The following HTR4 variants were observed in gnomAD, a reference collection of about 807,000 sequenced individuals.
HTR4 encodes the protein 5-hydroxytryptamine (serotonin) receptor 4, G protein-coupled.
A neutral mutation model predicts 36.8 loss-of-function variants in HTR4; 16 were observed. The observed-to-expected ratio is 0.43, with a 90% CI of 0.29 to 0.66. HTR4 has a LOEUF of 0.66. HTR4 is among the 30% of genes least tolerant of loss of function. The pLI, the probability that HTR4 is intolerant of heterozygous loss-of-function variation, is 0.13. For missense variants in HTR4, 438 were observed against 490.9 expected, an observed-to-expected ratio of 0.89 and a Z score of 1.02; for synonymous variants, 189 against 185.1, an observed-to-expected ratio of 1.02 and a Z score of -0.17.
chr5:148,520,896 C>A (rs1757981167), intron 5 of HTR4: 1 of 1,367,708 alleles, frequency 7.3e-7, no homozygotes, highest in South Asian at 1.1e-5. Flanking sequence ...CTTTCAGAAT[C>A]CTAAGGAATA....
At chr5:148,608,165 A>G (rs1752258823) in intron 2 of HTR4, among the ~76,000 whole-genome samples, 1 of 152,178 alleles carries the variant, frequency 6.6e-6, no homozygotes. Flanking sequence ...AACAGTGTAA[A>G]CCGTGCTTAC....
chr5:148,488,258 C>T (rs952193332), intron 6 of HTR4, among the ~76,000 whole-genome samples: 2 of 152,174 alleles, frequency 1.3e-5, no homozygotes, highest in Non-Finnish European at 2.9e-5. Context: ...ATGGGCACAG[C>T]ATTAAATAAT....
chr5:148,626,718 A>T (rs981201888), intron 2 of HTR4, among the ~76,000 whole-genome samples: 2 of 152,210 alleles, frequency 1.3e-5, no homozygotes, highest in African/African-American at 4.8e-5. Flanking sequence ...AGCTTCCACA[A>T]AAAGGTAGTT....
rs115120774 is a variant in HTR4 at position 148,495,815 on chromosome 5, A to G, written c.1077-12522T>C. Among the ~76,000 whole-genome samples, 803 of 152,290 alleles carry G rather than the reference A, an allele frequency of 5.3e-3. 10 individuals are homozygous for G. The highest frequency in any genetic ancestry group is 0.018 in the African/African-American group (763 of 41,564). On this transcript the variant is annotated intron_variant, in intron 6 of 6. Transcript: ENST00000377888. ...AGATAAAGTTATTATCTTTTAAGAG[A>G]TTCTGGCCTGGGTGCGGTGGCTCAA...
At chr5:148,600,553 AAGC>A (rs1195327312) in intron 2 of HTR4, among the ~76,000 whole-genome samples, 1 of 151,666 alleles carries the variant, frequency 6.6e-6, no homozygotes, top group Non-Finnish European at 1.5e-5. Flanking sequence ...AACACACAAA[AAGC>A]AGTTGCAGTT....
chr5:148,626,643 T>A (rs866571628), intron 2 of HTR4, among the ~76,000 whole-genome samples: 1 of 152,218 alleles, frequency 6.6e-6, no homozygotes, highest in Middle Eastern at 3.2e-3. Flanking sequence ...TTCCTAATTA[T>A]GCAAAATGCT....
intron 1 of HTR4, among the ~76,000 whole-genome samples, chr5:148,651,036 T>C (rs1754017293): frequency 1.3e-5 from 2 of 152,174 alleles, no homozygotes; most frequent in Non-Finnish European, 1.5e-5. Flanking sequence ...CTGAGAGAAC[T>C]TGGGCACATT....
intron 5 of HTR4, among the ~76,000 whole-genome samples, chr5:148,512,368 T>C (rs1021674969): frequency 6.6e-6 from 1 of 152,228 alleles, no homozygotes; most frequent in African/African-American, 2.4e-5. Context: ...AATCACTGTT[T>C]TGCCCTTTCG....
At position 148,466,002 on chromosome 5, in the gene HTR4, A is replaced by C. The variant is rs186110528; in HGVS notation, c.1077-14730T>G. 1,210 of 1,577,356 alleles carry C rather than the reference A, an allele frequency of 7.7e-4. 12 individuals carry two copies. The African/African-American group carries it at 0.015, about 19-fold the overall frequency. On this transcript the variant is annotated intron_variant, in intron 5 of 5. Coordinates refer to the HTR4 transcript ENST00000521530. ...TTGGGAAAGAAAAAAGAAAAAAAAA[A>C]CATAGAGATTAGTAGACACATGATC...
At chr5:148,566,763 A>C (rs766526093) in intron 2 of HTR4, among the ~76,000 whole-genome samples, 2 of 152,156 alleles carry the variant, frequency 1.3e-5, no homozygotes, top group Non-Finnish European at 2.9e-5. Flanking sequence ...TGATACATAC[A>C]TGGTACCTAA....
chr5:148,575,034 G>A (rs1760837636), intron 2 of HTR4, among the ~76,000 whole-genome samples: 1 of 152,062 alleles, frequency 6.6e-6, no homozygotes, highest in African/African-American at 2.4e-5. Context: ...TGGCTGAATG[G>A]CTGATTGAAT....
intron 1 of HTR4, among the ~76,000 whole-genome samples, chr5:148,646,814 A>G (rs34658456): frequency 0.022 from 3,415 of 152,264 alleles, 140 homozygotes; most frequent in African/African-American, 0.078. Context: ...CATTTCACAG[A>G]TGAAGAAACT....
intron 2 of HTR4, among the ~76,000 whole-genome samples, chr5:148,591,914 G>C (rs1423307882): frequency 1.3e-5 from 2 of 152,120 alleles, no homozygotes; most frequent in African/African-American, 4.8e-5. Flanking sequence ...GCTAAAAGCA[G>C]AACTACCATT....
chr5:148,465,264 A>G (rs1365437379), intron 5 of HTR4, among the ~76,000 whole-genome samples: 1 of 152,186 alleles, frequency 6.6e-6, no homozygotes, highest in Non-Finnish European at 1.5e-5. Flanking sequence ...ATATAGGTTC[A>G]TCAGTTGTAA....
intron 4 of HTR4, among the ~76,000 whole-genome samples, chr5:148,540,447 T>TATATAA (rs1759064412): frequency 9.2e-6 from 1 of 108,958 alleles, no homozygotes; most frequent in African/African-American, 3.5e-5. Context: ...TATATATATA[T>TATATAA]AATCTTATAT....
chr5:148,555,970 A>ACACACACACACACT (rs1554095210), intron 2 of HTR4, among the ~76,000 whole-genome samples: 1 of 146,434 alleles, frequency 6.8e-6, no homozygotes, highest in Non-Finnish European at 1.5e-5. Context: ...ACACACACAC[A>ACACACACACACACT]CTCTCTCTCT....
At chr5:148,609,470 C>T (rs1377097546) in intron 2 of HTR4, among the ~76,000 whole-genome samples, 3 of 152,026 alleles carry the variant, frequency 2.0e-5, no homozygotes, top group Admixed American at 2.0e-4. Context: ...TATTACAGTT[C>T]TCAAGATAAT....
At chr5:148,560,645 A>C (rs1378136207) in intron 2 of HTR4, among the ~76,000 whole-genome samples, 1 of 152,218 alleles carries the variant, frequency 6.6e-6, no homozygotes, top group African/African-American at 2.4e-5. Context: ...AAGATTTTTC[A>C]TGTTGGCGAA....
intron 5 of HTR4, among the ~76,000 whole-genome samples, chr5:148,516,626 C>T (rs1031023342): frequency 7.7e-6 from 1 of 129,396 alleles, no homozygotes; most frequent in Non-Finnish European, 1.5e-5. Context: ...CCAAAAATTC[C>T]CTTTTTTTTT....
Sources: allele counts gnomAD v4.1 joint callset (sites outside exome capture counted in the v4.1 genomes callset), GRCh38; gene constraint gnomAD v4.1.1; transcripts MANE v1.5; gene names NCBI Gene and HGNC (gene_info 2026-07-23, HGNC 2026-07-21).